The following ADCK5 variants were observed in gnomAD, a reference collection of about 807,000 sequenced individuals.
ADCK5 encodes the protein uncharacterized aarF domain-containing protein kinase 5.
ADCK5 carries 43 observed loss-of-function variants against 64.9 expected under a neutral mutation model. The observed-to-expected ratio is 0.66, with a 90% CI of 0.52 to 0.85. The LOEUF is 0.85. Ranked by LOEUF, ADCK5 falls within the 40% of genes least tolerant of loss-of-function variation. The pLI is 0.00. For missense variants in ADCK5, 760 were observed against 810.5 expected (o/e 0.94, Z 0.76); for synonymous variants, 434 against 342.8 (o/e 1.27, Z -2.94).
At chr8:144,392,197 C>T in intron 11 of ADCK5, 27 bp downstream of exon 11, 1 of 1,541,802 alleles carries the variant, frequency 6.5e-7, no homozygotes, top group African/African-American at 1.4e-5. Flanking sequence ...GGGCGTGGGG[C>T]AGGGCAAGCC....
chr8:144,378,174 G>A (rs1819449904), intron 1 of ADCK5, among the ~76,000 whole-genome samples: 1 of 152,230 alleles, frequency 6.6e-6, no homozygotes, highest in South Asian at 2.1e-4. Context: ...AGGTAGGATA[G>A]TGTTTCCATT....
chr8:144,393,117 C>A lies in ADCK5; in HGVS notation c.*43C>A. 6.7e-7 allele frequency: 1 copy of A among 1,487,280 alleles called. No homozygotes were observed. 92.1% of individuals were successfully genotyped at this position (1,487,280 alleles called of 1,614,324 possible). On this transcript the variant is annotated 3_prime_UTR_variant, in exon 15 of 15. Transcript: ENST00000308860. Reference sequence around the variant, plus strand: ...CCGGCGGGGCCCTTTTCACCTTGGGCTGACGGAGGTGGCGGGGCTAGAGGT... The same window carrying A: ...CCGGCGGGGCCCTTTTCACCTTGGGATGACGGAGGTGGCGGGGCTAGAGGT...
In ADCK5 at chr8:144,391,832, AGGCC is replaced by A; in HGVS notation, c.981_984del (p.Ala328SerfsTer11). ...GCCGGCTGCAAGGTCAACGATGTGG[AGGCC>A]ATCAGGAGCCAGGGGCTGGCAGTGC... On this transcript the variant is annotated frameshift_variant, in exon 9 of 15. Coordinates refer to ENST00000308860, the MANE Select transcript of ADCK5 (RefSeq NM_174922.5). LOFTEE classifies it high-confidence loss of function. 7.4e-7 allele frequency: 1 copy of A among 1,345,666 alleles called. No individual in the cohort carries two copies. The highest frequency in any genetic ancestry group is 9.7e-7 in the Non-Finnish European group (1 of 1,032,914). 83.4% of individuals were successfully genotyped at this position (1,345,666 alleles called of 1,614,324 possible).
chr8:144,392,418 T>TCCCCGC, intron 12 of ADCK5, 27 bp from the exon 13 acceptor site: 1 of 799,264 alleles, frequency 1.3e-6, no homozygotes, highest in Non-Finnish European at 1.7e-6. Flanking sequence ...CAGAGCCCCC[T>TCCCCGC]CCCTCCCTCC....
intron 3 of ADCK5, among the ~76,000 whole-genome samples, chr8:144,386,939 A>G (rs191003143): frequency 1.3e-5 from 2 of 152,348 alleles, no homozygotes; most frequent in Admixed American, 6.5e-5. Flanking sequence ...TTCATTGCAC[A>G]TGATTGGACA....
chr8:144,374,218 CTT>C (rs1289200205), intron 1 of ADCK5, 111 bp downstream of exon 1: 4 of 1,054,754 alleles, frequency 3.8e-6, no homozygotes, highest in Non-Finnish European at 4.9e-6. Context: ...CTTTTTCCCT[CTT>C]TTTTTTTGAG....
chr8:144,375,450 C>G (rs1819324265), intron 1 of ADCK5: 1 of 985,198 alleles, frequency 1.0e-6, no homozygotes, highest in African/African-American at 1.7e-5. Context: ...TCTGGTCATC[C>G]GTTCATGGTT....
chr8:144,385,689 C>G (rs1214959882), intron 3 of ADCK5, among the ~76,000 whole-genome samples: 1 of 151,268 alleles, frequency 6.6e-6, no homozygotes, highest in African/African-American at 2.4e-5. Context: ...TGTGGCCGGG[C>G]ATGGTGGCTC....
intron 3 of ADCK5, among the ~76,000 whole-genome samples, chr8:144,386,351 T>C (rs914154536): frequency 5.3e-5 from 8 of 151,338 alleles, no homozygotes; most frequent in African/African-American, 1.9e-4. Context: ...AATTTTTTAT[T>C]TAACTTATTT....
chr8:144,378,470 G>A (rs1424854586), intron 1 of ADCK5, among the ~76,000 whole-genome samples: 1 of 150,898 alleles, frequency 6.6e-6, no homozygotes, highest in Non-Finnish European at 1.5e-5. Flanking sequence ...CTCTCTCTCC[G>A]CCCCCCCCAC....
At chr8:144,382,372 T>C (rs1246799624) in intron 2 of ADCK5, among the ~76,000 whole-genome samples, 5 of 152,246 alleles carry the variant, frequency 3.3e-5, no homozygotes, top group Non-Finnish European at 7.3e-5. Flanking sequence ...ATGGAGCTGC[T>C]ACTGTGTTCA....
chr8:144,392,039 G>A lies in ADCK5; in HGVS notation c.1096+17G>A. On this transcript the variant is annotated intron_variant, in intron 10 of 14. Coordinates refer to ENST00000308860, the MANE Select transcript of ADCK5 (RefSeq NM_174922.5). ...CTGGCAACGGTAGGAATTTACCCCA[G>A]GGGTGGGGGTCTCAGGGTGGGCGCA... 6.2e-7 allele frequency: 1 copy of A among 1,612,678 alleles called. No homozygotes were observed. The highest frequency in any genetic ancestry group is 1.1e-5 in the South Asian group (1 of 91,072).
intron 3 of ADCK5, among the ~76,000 whole-genome samples, chr8:144,388,942 G>T (rs566251465): frequency 6.6e-6 from 1 of 152,312 alleles, no homozygotes; most frequent in Admixed American, 6.5e-5. Context: ...CTGTCCCCAG[G>T]CAGGTACGTG....
chr8:144,375,177 C>T (rs1819314165), intron 1 of ADCK5, among the ~76,000 whole-genome samples: 1 of 152,228 alleles, frequency 6.6e-6, no homozygotes, highest in Admixed American at 6.5e-5. Flanking sequence ...CAGTCCCTCC[C>T]CAGCCCCAGC....
At chr8:144,374,759 T>C (rs1451721680) in intron 1 of ADCK5, among the ~76,000 whole-genome samples, 1 of 151,932 alleles carries the variant, frequency 6.6e-6, no homozygotes, top group African/African-American at 2.4e-5. Flanking sequence ...CGGGCTCTGC[T>C]CTGAGCGCCC....
Position 144,392,636 on chromosome 8 carries a change from G to A in ADCK5, c.1459G>A (p.Val487Met). The part of the protein sequence containing the change: ...MLLVLRNINT[V>M]RAINVALGAP... ...GCTGGTGCTGCGCAACATCAACACC[G>A]TGCGCGCTATCAACGTGGCCCTCGG... Residue 487 changes from valine (V) to methionine (M), a missense_variant, in exon 13 of 15, where the codon GTG (valine) becomes ATG (methionine). This residue lies in a region of ADCK5 where 333 missense variants were observed against 292.0 expected (regional missense o/e 1.14). Transcript: ENST00000308860. 9 of 1,593,898 alleles carry A rather than the reference G, an allele frequency of 5.6e-6. No individual in the cohort carries two copies. Among genetic ancestry groups the A allele is most frequent in the Non-Finnish European group, 4.3e-6 (5 of 1,173,100 alleles).
At chr8:144,375,463 T>C (rs1423788850) in intron 1 of ADCK5, 1 of 985,386 alleles carries the variant, frequency 1.0e-6, no homozygotes, top group Admixed American at 6.1e-5. Context: ...TCATGGTTTT[T>C]AGTTTCTGGC....
chr8:144,374,595 C>T (rs1046058581), intron 1 of ADCK5, among the ~76,000 whole-genome samples: 12 of 152,110 alleles, frequency 7.9e-5, no homozygotes, highest in African/African-American at 2.9e-4. Flanking sequence ...GGCAGGGGCC[C>T]CGCGGGGAAG....
At position 144,392,184 on chromosome 8, in the gene ADCK5, G is replaced by T; in HGVS notation, c.1175+14G>T. 6.4e-7 allele frequency: 1 copy of T among 1,553,202 alleles called. No homozygotes were observed. On this transcript the variant is annotated intron_variant, in intron 11 of 14. Coordinates refer to ENST00000308860, the MANE Select transcript of ADCK5 (RefSeq NM_174922.5). ...CCTGGAGGAGAAGTGAGCGCGGGTG[G>T]GTGGGCGTGGGGCAGGGCAAGCCTC...
Sources: allele counts gnomAD v4.1 joint callset (sites outside exome capture counted in the v4.1 genomes callset), GRCh38; gene constraint gnomAD v4.1.1; regional missense constraint gnomAD v4.1.1; transcripts MANE v1.5; gene names NCBI Gene and HGNC (gene_info 2026-07-23, HGNC 2026-07-21).